NBEAL1: variants seen among roughly 807,000 people sequenced by gnomAD.
NBEAL1 encodes the protein neurobeachin like 1.
NBEAL1 carries 273 observed loss-of-function variants against 351.3 expected under a neutral mutation model. The ratio of observed to expected loss-of-function variants is 0.78; its 90% CI spans 0.70 to 0.86. The LOEUF (loss-of-function observed/expected upper bound fraction) is 0.86. NBEAL1 is among the 40% of genes least tolerant of loss of function. The probability of loss-of-function intolerance (pLI) is 0.00; values close to 1 mark genes in which losing one functional copy is unlikely to be tolerated. For synonymous variants in NBEAL1, 1,050 were observed against 1,086.4 expected, an observed-to-expected ratio of 0.97 and a Z score of 0.66; for missense variants, 2,961 against 3,201.3, an observed-to-expected ratio of 0.92 and a Z score of 1.81.
chr2:203,093,996 T>C (rs2062125124), intron 10 of NBEAL1, among the ~76,000 whole-genome samples: 1 of 152,158 alleles, frequency 6.6e-6, no homozygotes, highest in Non-Finnish European at 1.5e-5. Flanking sequence ...CATTAAGTCT[T>C]CACAACAAAG....
At chr2:203,130,276 T>C (rs754438114) in intron 24 of NBEAL1, 42 bp from the exon 25 acceptor site, 81 of 1,484,310 alleles carry the variant, frequency 5.5e-5, no homozygotes, top group Non-Finnish European at 6.7e-5. Flanking sequence ...TGCTTGTATA[T>C]ATGAATGTGG....
rs182806575 is a variant in NBEAL1, at chr2:203,036,844, A to G, written c.52-4921A>G. Among the ~76,000 whole-genome samples the G allele has an allele frequency of 8.5e-3, 1,266 of 149,376 alleles. 115 individuals are homozygous for G. The highest frequency in any genetic ancestry group is 0.013 in the Non-Finnish European group (861 of 66,580). On this transcript the variant is annotated intron_variant, in intron 2 of 55. Coordinates refer to ENST00000683969, the MANE Select transcript of NBEAL1 (RefSeq NM_001378026.1). Reference sequence around the variant, plus strand: ...AAAATATGCATTAGAAGAGAAATGCATTAATTCTTTATGGTGTTGTGTGAC... The same window carrying G: ...AAAATATGCATTAGAAGAGAAATGCGTTAATTCTTTATGGTGTTGTGTGAC...
At chr2:203,184,300 G>A (rs1486508959) in intron 44 of NBEAL1, among the ~76,000 whole-genome samples, 23 of 151,900 alleles carry the variant, frequency 1.5e-4, no homozygotes, top group African/African-American at 4.8e-4. Flanking sequence ...GTGTGTTGGC[G>A]GGTGCCTGTA....
At chr2:203,149,228 C>G (rs1334633134) in intron 34 of NBEAL1, 80 bp downstream of exon 34, 1 of 966,004 alleles carries the variant, frequency 1.0e-6, no homozygotes, top group Non-Finnish European at 1.5e-6. Context: ...TGCCCCCTTT[C>G]ACTCCAATTT....
intron 44 of NBEAL1, among the ~76,000 whole-genome samples, chr2:203,185,735 C>A (rs1173614226): frequency 6.6e-6 from 1 of 152,118 alleles, no homozygotes; most frequent in Non-Finnish European, 1.5e-5. Context: ...GTCAGGATAT[C>A]TCCTCTCCAA....
At chr2:203,054,400 T>C (rs2061373055) in intron 4 of NBEAL1, among the ~76,000 whole-genome samples, 1 of 150,924 alleles carries the variant, frequency 6.6e-6, no homozygotes, top group Non-Finnish European at 1.5e-5. Context: ...CACTCCAGCC[T>C]GGGTGACAGA....
At chr2:203,138,128 C>T (rs1315736720) in intron 29 of NBEAL1, 34 bp from the exon 30 acceptor site, 22 of 1,606,534 alleles carry the variant, frequency 1.4e-5, no homozygotes, top group Non-Finnish European at 1.8e-5. Context: ...TCTAAGCTCA[C>T]AATGGTTTTA....
chr2:203,186,835 T>TC (rs931240780), intron 44 of NBEAL1, among the ~76,000 whole-genome samples: 11 of 152,294 alleles, frequency 7.2e-5, no homozygotes, highest in African/African-American at 2.6e-4. Flanking sequence ...TACCAAACAG[T>TC]CCCTTCTCTA....
chr2:203,202,176 A>G (rs2065418866), intron 50 of NBEAL1, among the ~76,000 whole-genome samples: 2 of 152,170 alleles, frequency 1.3e-5, no homozygotes, highest in Non-Finnish European at 2.9e-5. Flanking sequence ...TAAACCTGTT[A>G]GGGAAGGAAA....
At chr2:203,127,686 C>T (rs1415005150) in intron 23 of NBEAL1, 95 bp from the exon 24 acceptor site, 4 of 688,244 alleles carry the variant, frequency 5.8e-6, no homozygotes, top group Non-Finnish European at 7.1e-6. Flanking sequence ...TGTACCACTG[C>T]ACTCCAGCCT....
chr2:203,201,470 G>T, intron 49 of NBEAL1, 73 bp from the exon 50 acceptor site: 2 of 1,235,236 alleles, frequency 1.6e-6, no homozygotes, highest in East Asian at 5.3e-5. Context: ...TTTTAGAGAG[G>T]TTTAAAAAGA....
At chr2:203,163,017 C>CA (rs2064016609) in intron 36 of NBEAL1, among the ~76,000 whole-genome samples, 1 of 152,092 alleles carries the variant, frequency 6.6e-6, no homozygotes, top group Non-Finnish European at 1.5e-5. Context: ...ATTAGCCAGA[C>CA]ATGGGGGTGA....
At chr2:203,072,998 T>G (rs2061707356) in intron 7 of NBEAL1, among the ~76,000 whole-genome samples, 1 of 152,174 alleles carries the variant, frequency 6.6e-6, no homozygotes, top group African/African-American at 2.4e-5. Context: ...GAGAGTTGGT[T>G]TGAGAATGCT....
intron 2 of NBEAL1, among the ~76,000 whole-genome samples, chr2:203,021,740 C>CAT (rs758960566): frequency 6.6e-6 from 1 of 151,952 alleles, no homozygotes; most frequent in Non-Finnish European, 1.5e-5. Flanking sequence ...TTTTGAGACT[C>CAT]ATATGTGTGT....
intron 46 of NBEAL1, 41 bp downstream of exon 46, chr2:203,190,430 G>T: frequency 7.1e-7 from 1 of 1,400,592 alleles, no homozygotes; most frequent in Non-Finnish European, 1.0e-6. Flanking sequence ...GTCAACTTAA[G>T]AAGTAGATTT....
In NBEAL1 at chr2:203,180,439, G is replaced by A. The variant is rs1461907018; in HGVS notation, c.6522G>A (p.Met2174Ile). The A allele has an allele frequency of 1.2e-6, 2 of 1,612,400 alleles. No individual in the cohort carries two copies. Among genetic ancestry groups the A allele is most frequent in the East Asian group, 2.2e-5 (1 of 44,784 alleles). Residue 2174 changes from methionine to isoleucine, a missense_variant, in exon 43 of 56, where the codon ATG (methionine) becomes ATA (isoleucine). Met to Ile is a conservative substitution (Grantham distance 10, BLOSUM62 1). Transcript: ENST00000683969. ...HSIPATWQAL[M>I]DNPYDVKELI... is the part of the protein sequence containing the mutation. ...TTCCTGCTACCTGGCAAGCTCTTAT[G>A]GATAATCCATATGATGTTAAAGAAC...
At chr2:203,015,225 G>C (rs1209553969) in intron 1 of NBEAL1, among the ~76,000 whole-genome samples, 1 of 152,172 alleles carries the variant, frequency 6.6e-6, no homozygotes, top group Non-Finnish European at 1.5e-5. Flanking sequence ...GTTTGCCTCT[G>C]TTTGGGTTGT....
chr2:203,126,175 A>G (rs1575007496), intron 21 of NBEAL1, 82 bp downstream of exon 21: 1 of 1,323,902 alleles, frequency 7.6e-7, no homozygotes, highest in Non-Finnish European at 1.0e-6. Flanking sequence ...CCTAATAAAT[A>G]TATTTTTAAA....
chr2:203,058,950 C>T (rs886234757), intron 6 of NBEAL1, among the ~76,000 whole-genome samples: 3 of 152,240 alleles, frequency 2.0e-5, no homozygotes, highest in Admixed American at 6.5e-5. Context: ...TGTTTCATCA[C>T]TCTCAATCAG....
Sources: gnomAD v4.1 joint callset for allele counts (sites outside exome capture counted in the v4.1 genomes callset) on GRCh38, gnomAD v4.1.1 for gene constraint, MANE v1.5 for transcripts, NCBI Gene and HGNC (gene_info 2026-07-23, HGNC 2026-07-21) for gene names.